Variants in SLIT1 observed in about 807,000 individuals in gnomAD.
The protein encoded by SLIT1 is slit homolog 1 protein.
A neutral mutation model predicts 186.1 loss-of-function variants in SLIT1; 66 were observed. The ratio of observed to expected loss-of-function variants is 0.35; its 90% CI spans 0.29 to 0.44. SLIT1 has a LOEUF of 0.44. Among genes scored for constraint, SLIT1 ranks in the 20% least tolerant of loss-of-function variants. The probability of loss-of-function intolerance (pLI) is 1.00; values close to 1 mark genes in which losing one functional copy is unlikely to be tolerated. For missense variants in SLIT1, 1,638 were observed against 2,037.4 expected (o/e 0.80, Z 3.77); for synonymous variants, 761 against 833.8 (o/e 0.91, Z 1.50).
At chr10:97,089,974 T>C (rs1849212880) in intron 4 of SLIT1, among the ~76,000 whole-genome samples, 1 of 152,178 alleles carries the variant, frequency 6.6e-6, no homozygotes, top group Non-Finnish European at 1.5e-5. Context: ...AGTATCTAGC[T>C]GTGGTGGGGA....
chr10:97,006,086 A>G lies in SLIT1; in HGVS notation c.3579+397T>C, dbSNP rs1356569015. Among the ~76,000 whole-genome samples the G allele has an allele frequency of 1.3e-5, 2 of 152,120 alleles. No homozygotes were observed. Among genetic ancestry groups the G allele is most frequent in the Non-Finnish European group, 2.9e-5 (2 of 68,022 alleles). ...AGGCATGAAAAGGATGAGTTAAGGG[A>G]CCCTAGGGACATTTGGTTAAAGGTA... On this transcript the variant is annotated intron_variant, in intron 32 of 36. Transcript: ENST00000266058. The surrounding 1 kb of genome is among the most constrained non-coding windows in gnomAD (Gnocchi z 4.0).
At position 97,164,289 on chromosome 10, in the gene SLIT1, G is replaced by A. The variant is rs762194241; in HGVS notation, c.269+530C>T. ...ATGACGTTGGGGGCAGGGCAGGGGG[G>A]GGAACCGCCACCAGATATTTCTCTT... On this transcript the variant is annotated intron_variant, in intron 2 of 36. Transcript: ENST00000266058. Among the ~76,000 whole-genome samples, 1,337 of 152,350 alleles carry A rather than the reference G, an allele frequency of 8.8e-3. 12 individuals carry two copies. The highest frequency in any genetic ancestry group is 0.014 in the South Asian group (68 of 4,826).
Position 97,006,714 on chromosome 10 carries a change from C to A in SLIT1, c.3348G>T (p.Gln1116His). The A allele has an allele frequency of 6.2e-7, 1 of 1,612,186 alleles. No individual in the cohort carries two copies. Among genetic ancestry groups the A allele is most frequent in the South Asian group, 1.1e-5 (1 of 90,982 alleles). ...GCAGATGGGGAGGGATCTCACAGAGCTGTCCACTGAGAGGAAAGGACATAA... is the reference window on the plus strand; with the variant it reads ...GCAGATGGGGAGGGATCTCACAGAGATGTCCACTGAGAGGAAAGGACATAA... ...SCLCAEGYSG[Q>H]LCEIPPHLPA... The change falls in exon 32 of 37, where the codon CAG becomes CAT. Residue 1116 changes from glutamine to histidine, a missense_variant. By Grantham distance (24) the Gln-to-His change is conservative. This residue lies in a region of SLIT1 where 1,245 missense variants were observed against 1,535.3 expected (regional missense o/e 0.81). Transcript: ENST00000266058. The surrounding 1 kb of genome is among the most constrained non-coding windows in gnomAD (Gnocchi z 4.0).
chr10:97,047,880 C>A, intron 15 of SLIT1, 46 bp from the exon 16 acceptor site: 15 of 1,613,214 alleles, frequency 9.3e-6, no homozygotes, highest in Non-Finnish European at 1.3e-5. Context: ...CCGGGGCCGG[C>A]TCCCAGCAGT....
At chr10:97,048,045 G>A (rs1373101904) in intron 14 of SLIT1, 49 bp from the exon 15 acceptor site, 1 of 1,605,520 alleles carries the variant, frequency 6.2e-7, no homozygotes, top group Admixed American at 1.7e-5. Context: ...GCCAGGACCT[G>A]CAGTAACAGC....
intron 1 of SLIT1, among the ~76,000 whole-genome samples, chr10:97,174,328 T>C (rs929053176): frequency 2.0e-5 from 3 of 152,228 alleles, no homozygotes; most frequent in Non-Finnish European, 2.9e-5. Flanking sequence ...AGAGCAACCC[T>C]GCCCACTGAG....
intron 1 of SLIT1, 115 bp from the exon 2 acceptor site, chr10:97,165,005 G>T: frequency 1.3e-6 from 1 of 772,722 alleles, no homozygotes; most frequent in Non-Finnish European, 2.3e-6. Context: ...CATCAGCGGG[G>T]CTGGGGGCTT....
intron 13 of SLIT1, among the ~76,000 whole-genome samples, chr10:97,054,943 C>T (rs1178013769): frequency 6.6e-6 from 1 of 152,136 alleles, no homozygotes; most frequent in Non-Finnish European, 1.5e-5. Flanking sequence ...ACATTCCGGG[C>T]GTGGTGGCTA....
At chr10:97,071,687 A>T (rs2134646418) in intron 4 of SLIT1, among the ~76,000 whole-genome samples, 1 of 152,272 alleles carries the variant, frequency 6.6e-6, no homozygotes, top group East Asian at 1.9e-4. Flanking sequence ...GAGCTTTCTC[A>T]CTGAAAGCCA....
chr10:97,048,003 A>G lies in SLIT1; in HGVS notation c.1466-7T>C, dbSNP rs1159976811. On this transcript the variant is annotated splice_region_variant and splice_polypyrimidine_tract_variant and intron_variant, in intron 14 of 36. Coordinates refer to ENST00000266058, the MANE Select transcript of SLIT1 (RefSeq NM_003061.3). The stretch of plus-strand genomic sequence containing the variant: ...ATGAAGTACTGCTCTTTGGCTGGGA[A>G]GAGAAGCAGAAATACCATAATGCAG... 9 of 1,614,022 alleles carry G rather than the reference A, an allele frequency of 5.6e-6. No individual in the cohort carries two copies. Among genetic ancestry groups the G allele is most frequent in the Admixed American group, 3.3e-5 (2 of 60,012 alleles).
chr10:97,139,341 C>T (rs1489752349), intron 4 of SLIT1, among the ~76,000 whole-genome samples: 1 of 152,224 alleles, frequency 6.6e-6, no homozygotes, highest in Non-Finnish European at 1.5e-5. Flanking sequence ...GAGAAAGAGG[C>T]TCTCAGTGTG....
chr10:97,038,085 G>C (rs1273448555), intron 21 of SLIT1, among the ~76,000 whole-genome samples: 1 of 151,964 alleles, frequency 6.6e-6, no homozygotes, highest in Non-Finnish European at 1.5e-5. Flanking sequence ...TCCCCTCCCT[G>C]CTCTGCTCTT....
At chr10:97,081,750 G>A (rs1849107128) in intron 4 of SLIT1, among the ~76,000 whole-genome samples, 1 of 152,228 alleles carries the variant, frequency 6.6e-6, no homozygotes, top group African/African-American at 2.4e-5. Flanking sequence ...CCAGTTGGCT[G>A]AGGGTCATCT....
chr10:97,182,192 C>G (rs576714502), intron 1 of SLIT1, among the ~76,000 whole-genome samples: 2 of 152,306 alleles, frequency 1.3e-5, no homozygotes, highest in Admixed American at 6.5e-5. Context: ...TGGGGCCTAC[C>G]CAACCTCTTT....
chr10:97,081,769 C>T, intron 4 of SLIT1, among the ~76,000 whole-genome samples: 1 of 152,138 alleles, frequency 6.6e-6, no homozygotes, highest in East Asian at 1.9e-4. Context: ...CTGCAGGTGG[C>T]CACAACAAAA....
chr10:97,079,272 G>C (rs879053657), intron 4 of SLIT1, among the ~76,000 whole-genome samples: 3 of 152,174 alleles, frequency 2.0e-5, no homozygotes, highest in Admixed American at 6.5e-5. Context: ...GTCGGGATGG[G>C]GGGTGCAGGG....
intron 4 of SLIT1, among the ~76,000 whole-genome samples, chr10:97,118,432 C>T (rs907270692): frequency 1.2e-4 from 19 of 152,158 alleles, no homozygotes; most frequent in Non-Finnish European, 2.1e-4. Flanking sequence ...CTTTTAAGGG[C>T]TTTCTGCAGG....
rs1848876617 is a variant in SLIT1 at position 97,059,935 on chromosome 10, C to A, written c.1013+152G>T. On this transcript the variant is annotated intron_variant, in intron 10 of 36. Coordinates refer to ENST00000266058, the MANE Select transcript of SLIT1 (RefSeq NM_003061.3). ...CTGCAAGGAGGTCCCCGCATCACAG[C>A]CAAGCAGCCTGAAGGGCAGGAAGGT... 1.2e-4 allele frequency: 88 copies of A among 719,508 alleles called. 5 individuals are homozygous for A. In the South Asian group the frequency reaches 1.3e-3, roughly 11 times the overall value. 44.6% of individuals were successfully genotyped at this position (719,508 alleles called of 1,614,324 possible). A position where few individuals can be genotyped will look rare whatever the true frequency, so the allele number is the denominator to read the frequency against.
At chr10:97,063,808 G>T (rs766923166) in intron 7 of SLIT1, among the ~76,000 whole-genome samples, 190 bp from the exon 8 acceptor site, 4 of 152,036 alleles carry the variant, frequency 2.6e-5, no homozygotes, top group Non-Finnish European at 4.4e-5. Context: ...TCCCGCTGCT[G>T]CCCCTCCCCT....
Sources: gnomAD v4.1 joint callset for allele counts (sites outside exome capture counted in the v4.1 genomes callset) on GRCh38, gnomAD v4.1.1 for gene constraint, gnomAD v4.1.1 regional missense constraint, Gnocchi (gnomAD v3.1) non-coding constraint, MANE v1.5 for transcripts, NCBI Gene and HGNC (gene_info 2026-07-23, HGNC 2026-07-21) for gene names.